The following TSPEAR variants were observed in gnomAD, a reference collection of about 807,000 sequenced individuals.
The protein encoded by TSPEAR is thrombospondin-type laminin G domain and EAR repeat-containing protein.
Under a neutral mutation model 71.6 loss-of-function variants are expected in TSPEAR, and 69 were observed. The observed-to-expected ratio is 0.96, with a 90% CI of 0.79 to 1.18. The LOEUF (loss-of-function observed/expected upper bound fraction) is 1.18, where lower values mean the gene tolerates loss of function less well. Among genes scored for constraint, TSPEAR ranks in the 50% most tolerant of loss-of-function variants. The probability of loss-of-function intolerance (pLI) is 0.00; values close to 1 mark genes in which losing one functional copy is unlikely to be tolerated. For missense variants in TSPEAR, 971 were observed against 894.9 expected, an observed-to-expected ratio of 1.09 and a Z score of -1.09; for synonymous variants, 402 against 387.2, an observed-to-expected ratio of 1.04 and a Z score of -0.45.
Position 44,540,175 on chromosome 21 carries a change from G to T in TSPEAR, c.304-6252C>A, listed in dbSNP as rs781883378. 6 of 1,605,522 alleles carry T rather than the reference G, an allele frequency of 3.7e-6. No homozygotes were observed. In the South Asian group the frequency reaches 4.5e-5, roughly 12 times the overall value. On this transcript the variant is annotated intron_variant, in intron 2 of 11. Coordinates refer to ENST00000323084, the MANE Select transcript of TSPEAR (RefSeq NM_144991.3). ...TGCTGGGGTGGGGAGGAGGTGAGCT[G>T]CGGGAGGTGTGAGTGAGTGAGTGTG...
chr21:44,499,825 G>C lies in TSPEAR; in HGVS notation c.1968C>G (p.Ala656=), dbSNP rs1555910903. Residue 656 remains alanine, a synonymous_variant, in exon 12 of 12, where the codon GCC becomes GCG. Transcript: ENST00000323084. ...GCAGGACCCTGGAGAGGGGCTCCTT[G>C]GCGCTGGAGTAGATGAGGTAGGCAC... ...TAGAYLIYSS[A]KEPLSRVLRL... The C allele has an allele frequency of 1.3e-6, 2 of 1,585,392 alleles. No individual in the cohort carries two copies. The highest frequency in any genetic ancestry group is 1.7e-6 in the Non-Finnish European group (2 of 1,167,110).
In TSPEAR at chr21:44,500,172, C is replaced by A. The variant is rs74733737; in HGVS notation, c.1857-236G>T. Among the ~76,000 whole-genome samples the A allele has an allele frequency of 6.3e-3, 953 of 152,342 alleles. 5 individuals are homozygous for A. Among genetic ancestry groups the A allele is most frequent in the South Asian group, 0.015 (72 of 4,826 alleles). ...AAAGATTCCAGATCTCACCAAGATC[C>A]CAGCGCTACCTCCTATCCACCCAAG... On this transcript the variant is annotated intron_variant, in intron 11 of 11. Transcript: ENST00000323084.
intron 1 of TSPEAR, among the ~76,000 whole-genome samples, chr21:44,678,988 A>G (rs1233771074): frequency 1.3e-5 from 2 of 152,190 alleles, no homozygotes; most frequent in African/African-American, 2.4e-5. Flanking sequence ...AAGAGCACAT[A>G]CTATAAATCC....
At chr21:44,706,408 C>G (rs531631972) in intron 1 of TSPEAR, among the ~76,000 whole-genome samples, 7 of 151,680 alleles carry the variant, frequency 4.6e-5, no homozygotes, top group Non-Finnish European at 7.4e-5. Flanking sequence ...CGCACGCACC[C>G]ATGCACACAC....
rs191700944 is a variant in TSPEAR, at chr21:44,676,977, G to A, written c.82+34456C>T. ...AGAGCTTGTCAGCTGGGTCCGAAACGCTCATTCCTTTCCACCCAGGAAGGA... is the reference window on the plus strand; with the variant it reads ...AGAGCTTGTCAGCTGGGTCCGAAACACTCATTCCTTTCCACCCAGGAAGGA... On this transcript the variant is annotated intron_variant, in intron 1 of 11. Transcript: ENST00000323084. 3.3e-4 allele frequency: 308 copies of A among 927,708 alleles called. 7 individuals are homozygous for A. The East Asian group carries it at 3.8e-3, about 11-fold the overall frequency. The allele number at this position is 927,708 out of a possible 1,614,324, so 57.5% of individuals were successfully genotyped here.
chr21:44,586,625 G>A (rs1466738595), intron 1 of TSPEAR, among the ~76,000 whole-genome samples: 1 of 151,960 alleles, frequency 6.6e-6, no homozygotes, highest in African/African-American at 2.4e-5. Flanking sequence ...CACTCCCCAT[G>A]TGCCCCTCCC....
intron 1 of TSPEAR, among the ~76,000 whole-genome samples, chr21:44,613,863 A>G (rs73907058): frequency 0.072 from 10,932 of 152,038 alleles, 1,212 homozygotes; most frequent in African/African-American, 0.24. Context: ...TGCGCGACTT[A>G]TGATTTTCAA....
At chr21:44,683,107 C>T (rs554763686) in intron 1 of TSPEAR, among the ~76,000 whole-genome samples, 67 of 152,130 alleles carry the variant, frequency 4.4e-4, no homozygotes, top group Non-Finnish European at 3.8e-4. Context: ...TACAGTGAGA[C>T]CCGCCTAGGC....
intron 1 of TSPEAR, among the ~76,000 whole-genome samples, chr21:44,657,340 G>A (rs1431460623): frequency 3.3e-5 from 5 of 152,130 alleles, no homozygotes; most frequent in African/African-American, 9.7e-5. Flanking sequence ...ATTACTCTAT[G>A]GCAGGGTTGG....
At chr21:44,620,917 A>G (rs781793658) in intron 1 of TSPEAR, among the ~76,000 whole-genome samples, 3 of 152,084 alleles carry the variant, frequency 2.0e-5, no homozygotes, top group Non-Finnish European at 2.9e-5. Flanking sequence ...TCCTTTGACC[A>G]ATTGGTTGTT....
intron 9 of TSPEAR, among the ~76,000 whole-genome samples, chr21:44,515,106 C>T (rs879945955): frequency 6.6e-5 from 10 of 152,182 alleles, no homozygotes; most frequent in Admixed American, 2.6e-4. Flanking sequence ...CGGCTTCACC[C>T]GCTTCAAAGC....
At chr21:44,692,830 CT>C (rs554244909) in intron 1 of TSPEAR, among the ~76,000 whole-genome samples, 54 of 149,144 alleles carry the variant, frequency 3.6e-4, no homozygotes, top group Middle Eastern at 3.5e-3. Context: ...AATTCCAAGT[CT>C]TTTTTTTTTC....
At chr21:44,527,570 A>G (rs782492551) in intron 6 of TSPEAR, 52 bp from the exon 7 acceptor site, 1 of 1,582,654 alleles carries the variant, frequency 6.3e-7, no homozygotes, top group South Asian at 1.1e-5. Flanking sequence ...ACGGAAATCC[A>G]GAGCAATCCT....
intron 1 of TSPEAR, among the ~76,000 whole-genome samples, chr21:44,602,334 G>C (rs1981000102): frequency 1.3e-5 from 2 of 152,222 alleles, no homozygotes; most frequent in African/African-American, 2.4e-5. Flanking sequence ...CCGAGGGGTA[G>C]GCAGGACTGA....
intron 1 of TSPEAR, among the ~76,000 whole-genome samples, chr21:44,568,959 T>C (rs1601425287): frequency 6.6e-6 from 1 of 152,066 alleles, no homozygotes; most frequent in Non-Finnish European, 1.5e-5. Context: ...GGGAATGTCA[T>C]GGATTCTCTG....
At chr21:44,601,562 G>A (rs770690006) in intron 1 of TSPEAR, 179 of 1,612,842 alleles carry the variant, frequency 1.1e-4, no homozygotes, top group Non-Finnish European at 1.4e-4. Flanking sequence ...CTCCTCTGCC[G>A]CCCCGTGTGC....
At chr21:44,604,934 C>A (rs1406441526) in intron 1 of TSPEAR, among the ~76,000 whole-genome samples, 1 of 152,096 alleles carries the variant, frequency 6.6e-6, no homozygotes, top group Non-Finnish European at 1.5e-5. Context: ...GGGATAAATC[C>A]CACTGGATCA....
Position 44,691,375 on chromosome 21 carries a change from CTTA to C in TSPEAR, c.82+20055_82+20057del, listed in dbSNP as rs1987118359. Among the ~76,000 whole-genome samples, 6 of 152,228 alleles carry C rather than the reference CTTA, an allele frequency of 3.9e-5. No homozygotes were observed. The South Asian group carries it at 1.2e-3, about 32-fold the overall frequency. Reference sequence around the variant, plus strand: ...CACAGCTGACTTTCTCTATAATAAGCTTATTTTTTCAAGAATCCTTATGTCCCC... The same window carrying C: ...CACAGCTGACTTTCTCTATAATAAGCTTTTTTCAAGAATCCTTATGTCCCC... On this transcript the variant is annotated intron_variant, in intron 1 of 11. Coordinates refer to ENST00000323084, the MANE Select transcript of TSPEAR (RefSeq NM_144991.3).
chr21:44,654,912 A>G (rs1201464772), intron 1 of TSPEAR, among the ~76,000 whole-genome samples: 2 of 152,070 alleles, frequency 1.3e-5, no homozygotes, highest in African/African-American at 4.8e-5. Flanking sequence ...CCAGGGGCCC[A>G]CCTCATGGAT....
Sources: allele counts gnomAD v4.1 joint callset (sites outside exome capture counted in the v4.1 genomes callset), GRCh38; gene constraint gnomAD v4.1.1; transcripts MANE v1.5; gene names NCBI Gene and HGNC (gene_info 2026-07-23, HGNC 2026-07-21).